Variants in ZNF605 observed in about 807,000 individuals in gnomAD.
The protein encoded by ZNF605 is zinc finger protein 605.
In ZNF605, 9 loss-of-function variants were observed where a neutral mutation model predicts 7.9. The ratio of observed to expected loss-of-function variants is 1.14; its 90% confidence interval spans 0.68 to 1.98. The LOEUF is 1.98. ZNF605 is among the 30% of genes most tolerant of loss of function. The pLI is 0.00. For synonymous variants in ZNF605, 255 were observed against 260.1 expected, an observed-to-expected ratio of 0.98 and a Z score of 0.19; for missense variants, 673 against 762.4, an observed-to-expected ratio of 0.88 and a Z score of 1.38.
intron 4 of ZNF605, among the ~76,000 whole-genome samples, chr12:132,927,395 CTCGTGCTG>C (rs1244826557): frequency 6.6e-6 from 1 of 152,134 alleles, no homozygotes; most frequent in Non-Finnish European, 1.5e-5. Flanking sequence ...GAGATGGAGT[CTCGTGCTG>C]TCACCAGGCT....
At chr12:132,950,965 TCAGA>T (rs1367801280) in intron 1 of ZNF605, among the ~76,000 whole-genome samples, 7 of 128,812 alleles carry the variant, frequency 5.4e-5, no homozygotes, top group East Asian at 2.5e-4. Flanking sequence ...ACACACACAC[TCAGA>T]CACACTGATA....
At chr12:132,951,262 T>G (rs1055008966) in intron 1 of ZNF605, among the ~76,000 whole-genome samples, 3 of 149,316 alleles carry the variant, frequency 2.0e-5, no homozygotes, top group African/African-American at 5.0e-5. Flanking sequence ...CAGACGCACA[T>G]GTACATCACA....
intron 4 of ZNF605, among the ~76,000 whole-genome samples, chr12:132,928,234 C>A (rs987391307): frequency 6.6e-6 from 1 of 152,094 alleles, no homozygotes; most frequent in Non-Finnish European, 1.5e-5. Context: ...GGATATAATG[C>A]AGAATAAATG....
At chr12:132,936,528 A>G (rs1952368369) in intron 3 of ZNF605, among the ~76,000 whole-genome samples, 1 of 152,228 alleles carries the variant, frequency 6.6e-6, no homozygotes, top group Non-Finnish European at 1.5e-5. Context: ...GGCATTTGTG[A>G]AAGGATAAAA....
intron 3 of ZNF605, among the ~76,000 whole-genome samples, chr12:132,938,928 C>G (rs1427768859): frequency 1.3e-5 from 2 of 152,064 alleles, no homozygotes. Flanking sequence ...ACTGGGTCCC[C>G]CAGCAGTGCT....
At chr12:132,955,778 CA>C (rs1477058879) in intron 1 of ZNF605, among the ~76,000 whole-genome samples, 1 of 152,060 alleles carries the variant, frequency 6.6e-6, no homozygotes, top group African/African-American at 2.4e-5. Flanking sequence ...GCATCCAAAT[CA>C]TTCATCAGCA....
chr12:132,935,527 C>A (rs1952354984), intron 3 of ZNF605, among the ~76,000 whole-genome samples: 1 of 151,724 alleles, frequency 6.6e-6, no homozygotes. Context: ...AGAAAGAGAT[C>A]AAAATAATTC....
rs1952227998 is a variant in ZNF605, at chr12:132,924,368, T to G, written c.*1005A>C. 6.6e-6 allele frequency: 1 copy of G among 152,278 alleles called. No homozygotes were observed. The highest frequency in any genetic ancestry group is 2.4e-5 in the African/African-American group (1 of 41,466). 9.4% of individuals were successfully genotyped at this position (152,278 alleles called of 1,614,324 possible). A position where few individuals can be genotyped will look rare whatever the true frequency, so the allele number is the denominator to read the frequency against. ...TGAGAACATAAACTATTCCCAGCCC[T>G]GCATGAGTTCCAGGAATTGTTCAGC... On this transcript the variant is annotated 3_prime_UTR_variant, in exon 5 of 5. Transcript: ENST00000360187.
At chr12:132,940,025 C>T (rs185300416) in intron 3 of ZNF605, among the ~76,000 whole-genome samples, 8,801 of 128,950 alleles carry the variant, frequency 0.068, no homozygotes, top group Non-Finnish European at 0.11. Flanking sequence ...ACTCCAGACG[C>T]GCCACCCGAA....
In ZNF605 at chr12:132,945,743, T is replaced by C. The variant is rs1952488476; in HGVS notation, c.-108A>G. On this transcript the variant is annotated 5_prime_UTR_variant, in exon 3 of 5. Coordinates refer to ENST00000360187, the MANE Select transcript of ZNF605 (RefSeq NM_183238.4). The stretch of plus-strand genomic sequence containing the variant: ...TAAACTGAGAATACATCCTTGGTCT[T>C]GTGGGCTCTTCTTTCTTATCTCACA... 1 of 1,502,324 alleles carries C rather than the reference T, an allele frequency of 6.7e-7. No homozygotes were observed. Among genetic ancestry groups the C allele is most frequent in the African/African-American group, 1.4e-5 (1 of 72,644 alleles). The allele number at this position is 1,502,324 out of a possible 1,614,324, so 93.1% of individuals were successfully genotyped here. A position where few individuals can be genotyped will look rare whatever the true frequency, so the allele number is the denominator to read the frequency against.
chr12:132,956,139 G>A (rs1566241218), intron 1 of ZNF605, 104 bp downstream of exon 1: 2 of 151,634 alleles, frequency 1.3e-5, no homozygotes, highest in Non-Finnish European at 2.9e-5. Context: ...TGGGGTCACC[G>A]CGAGCCGGTC....
In ZNF605 at chr12:132,937,125, G is replaced by A. The variant is rs1374488825; in HGVS notation, c.16-3970C>T. 3.9e-5 allele frequency among the ~76,000 whole-genome samples: 6 copies of A among 152,124 alleles called. No individual in the cohort carries two copies. The South Asian group carries it at 6.2e-4, about 16-fold the overall frequency. On this transcript the variant is annotated intron_variant, in intron 3 of 4. Coordinates refer to ENST00000360187, the MANE Select transcript of ZNF605 (RefSeq NM_183238.4). Reference sequence around the variant, plus strand: ...TGTAATCCCAGCATTTTGGGAGGCCGAGGCAGGCGGATCACCTGAGGTCAG... The same window carrying A: ...TGTAATCCCAGCATTTTGGGAGGCCAAGGCAGGCGGATCACCTGAGGTCAG...
In ZNF605 at chr12:132,933,094, G is replaced by A. The variant is rs1952323298; in HGVS notation, c.77C>T (p.Thr26Ile). The A allele has an allele frequency of 2.3e-5, 37 of 1,611,582 alleles. No individual in the cohort carries two copies. Among genetic ancestry groups the A allele is most frequent in the Non-Finnish European group, 3.1e-5 (36 of 1,178,470 alleles). ...CACATCTCTGTACAAGTTCTTCTGAGTAGGATTAAGTAGCTGCCATTCCTC... is the reference window on the plus strand; with the variant it reads ...CACATCTCTGTACAAGTTCTTCTGAATAGGATTAAGTAGCTGCCATTCCTC... Reference protein sequence around the residue: ...TLEEWQLLNPTQKNLYRDVML... With the variant: ...TLEEWQLLNPIQKNLYRDVML... The change falls in exon 4 of 5, where the codon ACT becomes ATT. Residue 26 changes from threonine (T) to isoleucine (I), a missense_variant. Coordinates refer to ENST00000360187, the MANE Select transcript of ZNF605 (RefSeq NM_183238.4). The surrounding 1 kb of genome is among the most constrained non-coding windows in gnomAD (Gnocchi z 4.4).
intron 4 of ZNF605, among the ~76,000 whole-genome samples, chr12:132,931,323 A>G (rs1952307085): frequency 6.6e-6 from 1 of 152,238 alleles, no homozygotes; most frequent in Admixed American, 6.5e-5. Flanking sequence ...GCATACCACA[A>G]ATTCCACAGA....
Position 132,941,784 on chromosome 12 carries a change from C to T in ZNF605, c.15+3837G>A, listed in dbSNP as rs1205502495. 2.6e-5 allele frequency among the ~76,000 whole-genome samples: 4 copies of T among 151,890 alleles called. No individual in the cohort carries two copies. Among genetic ancestry groups the T allele is most frequent in the Non-Finnish European group, 5.9e-5 (4 of 67,974 alleles). ...CTCTTCTCCGGGCTGCCCTCCGTCA[C>T]GCGCCCTTTTCCAGGCTGCCCTCTG... On this transcript the variant is annotated intron_variant, in intron 3 of 4. Coordinates refer to ENST00000360187, the MANE Select transcript of ZNF605 (RefSeq NM_183238.4). This position sits in a 1 kb window ranked among gnomAD's most constrained non-coding sequence, Gnocchi z 5.1.
At position 132,925,920 on chromosome 12, in the gene ZNF605, T is replaced by A; in HGVS notation, c.1379A>T (p.Gln460Leu). Residue 460 changes from glutamine (Q) to leucine (L), a missense_variant, in exon 5 of 5, where the codon CAG (glutamine) becomes CTG (leucine). By Grantham distance (113) the Gln-to-Leu change is moderately radical. Transcript: ENST00000360187. Reference sequence around the variant, plus strand: ...CTGATGTGATATCAGGCTTGACTTCTGGGTGAAGGCCTTCCCACACTCACT... The same window carrying A: ...CTGATGTGATATCAGGCTTGACTTCAGGGTGAAGGCCTTCCCACACTCACT... Reference protein sequence around the residue: ...ECSECGKAFTQKSSLISHQRT... With the variant: ...ECSECGKAFTLKSSLISHQRT... The A allele has an allele frequency of 6.2e-7, 1 of 1,614,214 alleles. No homozygotes were observed. Among genetic ancestry groups the A allele is most frequent in the Non-Finnish European group, 8.5e-7 (1 of 1,180,024 alleles).
rs1227650957 is a variant in ZNF605 at position 132,926,715 on chromosome 12, T to C, written c.584A>G (p.Lys195Arg). ...TCCACACTCACTGCATTGATAGGGC[T>C]TCTCTCCTGTATGAGTTCTCTGGTG... is the stretch of plus-strand genomic sequence containing the variant. ...VIHQRTHTGE[K>R]PYQCSECGKA... The change falls in exon 5 of 5, where the codon AAG becomes AGG. Residue 195 changes from lysine (K) to arginine (R), a missense_variant. Transcript: ENST00000360187. 2 of 1,614,104 alleles carry C rather than the reference T, an allele frequency of 1.2e-6. No individual in the cohort carries two copies. Among genetic ancestry groups the C allele is most frequent in the Non-Finnish European group, 1.7e-6 (2 of 1,180,026 alleles).
intron 2 of ZNF605, among the ~76,000 whole-genome samples, 198 bp downstream of exon 2, chr12:132,947,950 T>C (rs73158716): frequency 0.028 from 4,333 of 152,210 alleles, 88 homozygotes; most frequent in Non-Finnish European, 0.046. Context: ...ACCAACAGCC[T>C]GGGCTGTTAC....
At position 132,933,581 on chromosome 12, in the gene ZNF605, C is replaced by T. The variant is rs1453630459; in HGVS notation, c.16-426G>A. On this transcript the variant is annotated intron_variant, in intron 3 of 4. Coordinates refer to ENST00000360187, the MANE Select transcript of ZNF605 (RefSeq NM_183238.4). This position sits in a 1 kb window ranked among gnomAD's most constrained non-coding sequence, Gnocchi z 4.4. ...CCTTCATCACTGCATCATGTGAGAC[C>T]CTCAACCAGAACCAACTGGGCAAGT... Among the ~76,000 whole-genome samples, 1 of 152,154 alleles carries T rather than the reference C, an allele frequency of 6.6e-6. No individual in the cohort carries two copies. The highest frequency in any genetic ancestry group is 1.5e-5 in the Non-Finnish European group (1 of 68,022).
Sources: gnomAD v4.1 joint callset for allele counts (sites outside exome capture counted in the v4.1 genomes callset) on GRCh38, gnomAD v4.1.1 for gene constraint, Gnocchi (gnomAD v3.1) non-coding constraint, MANE v1.5 for transcripts, NCBI Gene and HGNC (gene_info 2026-07-23, HGNC 2026-07-21) for gene names.